Variants in ATP6V0A4 observed in about 807,000 individuals in gnomAD.
ATP6V0A4 encodes the protein ATPase H+ transporting V0 subunit a4.
ATP6V0A4 carries 86 observed loss-of-function variants against 107.3 expected under a neutral mutation model. That is an observed-to-expected ratio of 0.80 (90% CI 0.67 to 0.96). The LOEUF is 0.96. Ranked by LOEUF, ATP6V0A4 falls within the 40% of genes least tolerant of loss-of-function variation. The probability of loss-of-function intolerance (pLI) is 0.00; values close to 1 mark genes in which losing one functional copy is unlikely to be tolerated. For missense variants in ATP6V0A4, 908 were observed against 1,045.6 expected (o/e 0.87, Z 1.81); for synonymous variants, 353 against 381.4 (o/e 0.93, Z 0.87).
rs1806482479 is a variant in ATP6V0A4 at position 138,755,767 on chromosome 7, G to A, written c.738C>T (p.Val246=). The change falls in exon 10 of 22, where the codon GTC becomes GTT. Residue 246 remains valine, a synonymous_variant. Transcript: ENST00000310018. The part of the protein sequence containing the change: ...KKICDGFRAT[V]YPCPEPAVER... ...CCACCGCAGGCTCTGGGCAAGGGTA[G>A]ACAGTGGCTCGAAACCTGTGTTTAA... The A allele has an allele frequency of 6.2e-7, 1 of 1,613,446 alleles. No individual in the cohort carries two copies. The highest frequency in any genetic ancestry group is 1.1e-5 in the South Asian group (1 of 91,082).
intron 18 of ATP6V0A4, among the ~76,000 whole-genome samples, chr7:138,723,092 T>TCATACAGCTGGCAAG (rs1804519924): frequency 6.7e-6 from 1 of 149,494 alleles, no homozygotes; most frequent in Non-Finnish European, 1.5e-5. Context: ...GTGCCCAAGA[T>TCATACAGCTGGCAAG]CATACAGCTG....
intron 19 of ATP6V0A4, among the ~76,000 whole-genome samples, chr7:138,720,494 T>C (rs1480262658): frequency 6.6e-6 from 1 of 152,094 alleles, no homozygotes; most frequent in African/African-American, 2.4e-5. Flanking sequence ...AGTCAGAACA[T>C]GCGTGGGTTG....
At chr7:138,746,451 C>T (rs1805954352) in intron 13 of ATP6V0A4, among the ~76,000 whole-genome samples, 1 of 152,048 alleles carries the variant, frequency 6.6e-6, no homozygotes, top group Non-Finnish European at 1.5e-5. Context: ...GCTCACTAAC[C>T]TCGACATCGC....
At chr7:138,797,208 CTTTT>C (rs3842142) in intron 1 of ATP6V0A4, among the ~76,000 whole-genome samples, 2 of 96,108 alleles carry the variant, frequency 2.1e-5, no homozygotes, top group Non-Finnish European at 4.1e-5. Context: ...ATGCCATTTT[CTTTT>C]TTTTTTTTTT....
At chr7:138,767,140 C>A (rs1155368) in intron 5 of ATP6V0A4, among the ~76,000 whole-genome samples, 18,925 of 152,142 alleles carry the variant, frequency 0.12, 1,463 homozygotes, top group Non-Finnish European at 0.17. Context: ...AAAATGTTAC[C>A]ATGTAATGAG....
At position 138,706,343 on chromosome 7, in the gene ATP6V0A4, A is replaced by C. The variant is rs1234321767; in HGVS notation, c.*281T>G. ...TCAAATACAATATTTAAAATATTGC[A>C]AGAAGACATCTGTTTAGCATTCTCC... On this transcript the variant is annotated 3_prime_UTR_variant, in exon 22 of 22. Transcript: ENST00000310018. 1.2e-5 allele frequency: 5 copies of C among 431,290 alleles called. No individual in the cohort carries two copies. Among genetic ancestry groups the C allele is most frequent in the African/African-American group, 8.0e-5 (4 of 50,200 alleles). The allele number at this position is 431,290 out of a possible 1,614,324, so 26.7% of individuals were successfully genotyped here. A position where few individuals can be genotyped will look rare whatever the true frequency, so the allele number is the denominator to read the frequency against.
chr7:138,724,504 CTG>C (rs1804610118), intron 18 of ATP6V0A4, among the ~76,000 whole-genome samples: 1 of 152,204 alleles, frequency 6.6e-6, no homozygotes, highest in African/African-American at 2.4e-5. Context: ...CCTCAGGAGA[CTG>C]AGGAACAAGG....
In ATP6V0A4 at chr7:138,773,624, T is replaced by A. The variant is rs1360693863; in HGVS notation, c.-17-2360A>T. The stretch of plus-strand genomic sequence containing the variant: ...TACTCCAGAAGCAATACCCCATGTA[T>A]AGACCAGAGGATAAACATCATCCCT... On this transcript the variant is annotated intron_variant, in intron 2 of 21. Coordinates refer to ENST00000310018, the MANE Select transcript of ATP6V0A4 (RefSeq NM_020632.3). The surrounding 1 kb of genome is among the most constrained non-coding windows in gnomAD (Gnocchi z 5.4). Among the ~76,000 whole-genome samples the A allele has an allele frequency of 1.3e-5, 2 of 152,132 alleles. No individual in the cohort carries two copies. Among genetic ancestry groups the A allele is most frequent in the East Asian group, 3.8e-4 (2 of 5,196 alleles).
chr7:138,768,804 G>A lies in ATP6V0A4; in HGVS notation c.267C>T (p.Leu89=), dbSNP rs1391303778. 6.8e-6 allele frequency: 11 copies of A among 1,614,100 alleles called. No homozygotes were observed. The highest frequency in any genetic ancestry group is 8.5e-6 in the Non-Finnish European group (10 of 1,180,050). Residue 89 remains leucine (L), a synonymous_variant, in exon 5 of 22, where the codon CTC becomes CTT. Coordinates refer to ENST00000310018, the MANE Select transcript of ATP6V0A4 (RefSeq NM_020632.3). The part of the protein sequence containing the change: ...QLLEKSPLTP[L]PREMITLETV... The stretch of plus-strand genomic sequence containing the variant: ...CCTCCAGGGTAATCATTTCCCGTGG[G>A]AGCGGGGTCAGTGGGCTTTTCTCGA...
intron 21 of ATP6V0A4, among the ~76,000 whole-genome samples, chr7:138,707,143 T>TTATTAATATA (rs1803421276): frequency 1.2e-5 from 1 of 82,374 alleles, no homozygotes; most frequent in African/African-American, 5.2e-5. Context: ...TACATCAATA[T>TTATTAATATA]TAATATATTA....
chr7:138,766,594 AT>A (rs1382660554), intron 5 of ATP6V0A4, among the ~76,000 whole-genome samples: 1 of 151,902 alleles, frequency 6.6e-6, no homozygotes, highest in Non-Finnish European at 1.5e-5. Flanking sequence ...AAAACAATAA[AT>A]TTCCCCCAAA....
chr7:138,744,426 T>G (rs1482399176), intron 14 of ATP6V0A4, among the ~76,000 whole-genome samples: 1 of 151,996 alleles, frequency 6.6e-6, no homozygotes, highest in East Asian at 1.9e-4. Context: ...TTAGCAGAGA[T>G]GGGGTTTCAC....
intron 15 of ATP6V0A4, 40 bp from the exon 16 acceptor site, chr7:138,734,294 T>C (rs1239927562): frequency 1.2e-6 from 2 of 1,609,570 alleles, no homozygotes; most frequent in East Asian, 4.5e-5. Context: ...TGAGAGAGAG[T>C]CTTAGAAGTT....
At chr7:138,770,590 G>T (rs1181520341) in intron 3 of ATP6V0A4, among the ~76,000 whole-genome samples, 3 of 152,134 alleles carry the variant, frequency 2.0e-5, no homozygotes, top group South Asian at 4.1e-4. Flanking sequence ...AGAAGGACTG[G>T]TTTTCTCAAT....
In ATP6V0A4 at chr7:138,752,606, G is replaced by C. The variant is rs1806288066; in HGVS notation, c.1029+19C>G. On this transcript the variant is annotated intron_variant, in intron 11 of 21. Transcript: ENST00000310018. ...GGGGCTGACTCATCGGACCCCTCCT[G>C]GCTCCACCTGCCACGCACCATGCCT... 1 of 1,611,922 alleles carries C rather than the reference G, an allele frequency of 6.2e-7. No individual in the cohort carries two copies. Among genetic ancestry groups the C allele is most frequent in the Non-Finnish European group, 8.5e-7 (1 of 1,179,772 alleles).
intron 12 of ATP6V0A4, among the ~76,000 whole-genome samples, chr7:138,748,493 G>C (rs1027132636): frequency 1.3e-5 from 2 of 152,034 alleles, no homozygotes; most frequent in Non-Finnish European, 2.9e-5. Flanking sequence ...TGCAATCTCC[G>C]CCTCCTGGAT....
intron 19 of ATP6V0A4, 52 bp downstream of exon 19, chr7:138,721,845 T>C: frequency 6.2e-7 from 1 of 1,607,052 alleles, no homozygotes; most frequent in South Asian, 1.1e-5. Flanking sequence ...ATGTCCATTC[T>C]AGAATTTGTA....
At chr7:138,751,118 G>T (rs904451891) in intron 11 of ATP6V0A4, among the ~76,000 whole-genome samples, 1 of 151,876 alleles carries the variant, frequency 6.6e-6, no homozygotes, top group Non-Finnish European at 1.5e-5. Flanking sequence ...GTTCCCCATC[G>T]GCCAAACCAG....
intron 8 of ATP6V0A4, 67 bp from the exon 9 acceptor site, chr7:138,756,607 A>G: frequency 6.4e-7 from 1 of 1,561,240 alleles, no homozygotes; most frequent in Non-Finnish European, 8.7e-7. Context: ...TAATAGAGAG[A>G]AATGTAAAGT....
Sources: allele counts gnomAD v4.1 joint callset (sites outside exome capture counted in the v4.1 genomes callset), GRCh38; gene constraint gnomAD v4.1.1; non-coding constraint Gnocchi (gnomAD v3.1); transcripts MANE v1.5; gene names NCBI Gene and HGNC (gene_info 2026-07-23, HGNC 2026-07-21).